HSPG2: variants seen among roughly 807,000 people sequenced by gnomAD.
HSPG2 encodes the protein heparan sulfate proteoglycan 2.
A neutral mutation model predicts 526.6 loss-of-function variants in HSPG2; 278 were observed. That is an observed-to-expected ratio of 0.53 (90% CI 0.48 to 0.58). The LOEUF (loss-of-function observed/expected upper bound fraction) is 0.58, where lower values mean the gene tolerates loss of function less well. Among genes scored for constraint, HSPG2 ranks in the 20% least tolerant of loss-of-function variants. The pLI is 0.00. For synonymous variants in HSPG2, 2,465 were observed against 2,555.4 expected, an observed-to-expected ratio of 0.96 and a Z score of 1.07; for missense variants, 5,354 against 6,099.5, an observed-to-expected ratio of 0.88 and a Z score of 4.07.
At position 21,823,191 on chromosome 1, in the gene HSPG2, C is replaced by A; in HGVS notation, c.*125G>T. The A allele has an allele frequency of 2.1e-6, 2 of 943,408 alleles. No homozygotes were observed. The highest frequency in any genetic ancestry group is 3.0e-6 in the Non-Finnish European group (2 of 672,806). 58.4% of individuals were successfully genotyped at this position (943,408 alleles called of 1,614,324 possible). A position where few individuals can be genotyped will look rare whatever the true frequency, so the allele number is the denominator to read the frequency against. Reference sequence around the variant, plus strand: ...TGCCCACCTCCAGTCCAGCCCAGGGCGGTAGCAGCAAAGCGTGGCATCGCC... The same window carrying A: ...TGCCCACCTCCAGTCCAGCCCAGGGAGGTAGCAGCAAAGCGTGGCATCGCC... On this transcript the variant is annotated 3_prime_UTR_variant, in exon 97 of 97. Coordinates refer to ENST00000374695, the MANE Select transcript of HSPG2 (RefSeq NM_005529.7).
rs147514525 is a variant in HSPG2 at position 21,855,799 on chromosome 1, G to A, written c.5689C>T (p.Leu1897Phe). ...ATCACGGCCTCACCTGTCCACTCGA[G>A]GGTGGGCGTGGGGCTCCCTGTGGCG... ...CSATGSPTPT[L>F]EWTGGPGGQL... Residue 1897 changes from leucine to phenylalanine, a missense_variant, in exon 45 of 97, where the codon CTC becomes TTC. Coordinates refer to ENST00000374695, the MANE Select transcript of HSPG2 (RefSeq NM_005529.7). 3 of 1,613,232 alleles carry A rather than the reference G, an allele frequency of 1.9e-6. No homozygotes were observed. The East Asian group carries it at 6.7e-5, about 36-fold the overall frequency.
rs1355297217 is a variant in HSPG2, at chr1:21,920,149, C to T, written c.63+17006G>A. ...CTCGAACTCCTGGCCTCGAGTGATC[C>T]GCCAGCCTTGGCCTCCCAAAGTGCT... On this transcript the variant is annotated intron_variant, in intron 1 of 96. Coordinates refer to ENST00000374695, the MANE Select transcript of HSPG2 (RefSeq NM_005529.7). Among the ~76,000 whole-genome samples, 25 of 152,328 alleles carry T rather than the reference C, an allele frequency of 1.6e-4. 1 individual carries two copies. Among genetic ancestry groups the T allele is most frequent in the South Asian group, 2.1e-4 (1 of 4,824 alleles).
rs369108327 is a variant in HSPG2, at chr1:21,887,067, C to A, written c.1078+148G>T. The A allele has an allele frequency of 1.7e-5, 16 of 915,362 alleles. No homozygotes were observed. In the African/African-American group the frequency reaches 2.0e-4, roughly 11 times the overall value. 56.7% of individuals were successfully genotyped at this position (915,362 alleles called of 1,614,324 possible). A position where few individuals can be genotyped will look rare whatever the true frequency, so the allele number is the denominator to read the frequency against. ...TGTCTCCAGGGCCTTCCGCACTCAGCCAGGGAGAGCAAACAAACAGGCTTG... is the reference window on the plus strand; with the variant it reads ...TGTCTCCAGGGCCTTCCGCACTCAGACAGGGAGAGCAAACAAACAGGCTTG... On this transcript the variant is annotated intron_variant, in intron 9 of 96. Coordinates refer to ENST00000374695, the MANE Select transcript of HSPG2 (RefSeq NM_005529.7). The surrounding 1 kb of genome is among the most constrained non-coding windows in gnomAD (Gnocchi z 5.0).
At chr1:21,907,324 G>A (rs1226838293) in intron 1 of HSPG2, among the ~76,000 whole-genome samples, 2 of 152,172 alleles carry the variant, frequency 1.3e-5, no homozygotes, top group African/African-American at 2.4e-5. Context: ...TCAGGGCAGC[G>A]ACTGAGAACA....
chr1:21,838,742 T>C, intron 74 of HSPG2, 83 bp downstream of exon 74: 1 of 1,463,164 alleles, frequency 6.8e-7, no homozygotes, highest in Non-Finnish European at 9.4e-7. Context: ...AGGGAGGCCT[T>C]CCCACCCGAG....
At position 21,833,617 on chromosome 1, in the gene HSPG2, G is replaced by A. The variant is rs1440235435; in HGVS notation, c.10831-3C>T. ...TCAGGTGGCAGGCTGCCATCCAGCT[G>A]CAAATGCACTAGCACTGAGGGCCCT... On this transcript the variant is annotated splice_region_variant and splice_polypyrimidine_tract_variant and intron_variant, in intron 78 of 96. Coordinates refer to ENST00000374695, the MANE Select transcript of HSPG2 (RefSeq NM_005529.7). The A allele has an allele frequency of 1.2e-6, 2 of 1,614,052 alleles. No homozygotes were observed. Among genetic ancestry groups the A allele is most frequent in the Admixed American group, 1.7e-5 (1 of 60,026 alleles).
chr1:21,915,159 C>T lies in HSPG2; in HGVS notation c.64-18849G>A, dbSNP rs1006148229. 5.3e-5 allele frequency among the ~76,000 whole-genome samples: 8 copies of T among 152,024 alleles called. No individual in the cohort carries two copies. In the South Asian group the frequency reaches 6.3e-4, roughly 12 times the overall value. ...GAGGCCCAGCCAAGTGCAAACAGCA[C>T]ACTTGGCGCCCTGATACGGGCGCGT... On this transcript the variant is annotated intron_variant, in intron 1 of 96. Coordinates refer to ENST00000374695, the MANE Select transcript of HSPG2 (RefSeq NM_005529.7).
chr1:21,857,911 C>A (rs531942971), intron 42 of HSPG2, among the ~76,000 whole-genome samples: 1 of 152,212 alleles, frequency 6.6e-6, no homozygotes, highest in South Asian at 2.1e-4. Context: ...CCTGCCCTCA[C>A]CCCATCCCAC....
At chr1:21,868,114 C>T (rs1640380806) in intron 33 of HSPG2, among the ~76,000 whole-genome samples, 1 of 152,076 alleles carries the variant, frequency 6.6e-6, no homozygotes, top group East Asian at 1.9e-4. Flanking sequence ...TCTAGGCTCA[C>T]TGCAACCTCC....
intron 9 of HSPG2, among the ~76,000 whole-genome samples, chr1:21,886,302 TGCTATCAG>T (rs1641890280): frequency 6.6e-6 from 1 of 152,162 alleles, no homozygotes; most frequent in Non-Finnish European, 1.5e-5. Flanking sequence ...AAGGGGCTGG[TGCTATCAG>T]GCAAGCTTAG....
rs978680425 is a variant in HSPG2, at chr1:21,848,649, C to T, written c.7731G>A (p.Arg2577=). The T allele has an allele frequency of 1.5e-5, 24 of 1,613,112 alleles. No individual in the cohort carries two copies. Among genetic ancestry groups the T allele is most frequent in the Non-Finnish European group, 1.9e-5 (23 of 1,180,014 alleles). ...CCACCTGCTGGCCCTGTACCTGGTGCCGGCTGGGTAAGCTGCCTCCACGCT... is the reference window on the plus strand; with the variant it reads ...CCACCTGCTGGCCCTGTACCTGGTGTCGGCTGGGTAAGCTGCCTCCACGCT... ...WYKRGGSLPS[R]HQIVGSRLRI... Residue 2577 remains arginine (R), a synonymous_variant, in exon 59 of 97, where the codon CGG becomes CGA. Coordinates refer to ENST00000374695, the MANE Select transcript of HSPG2 (RefSeq NM_005529.7). This position sits in a 1 kb window ranked among gnomAD's most constrained non-coding sequence, Gnocchi z 4.9.
In HSPG2 at chr1:21,851,608, C is replaced by T. The variant is rs140476180; in HGVS notation, c.7096G>A (p.Gly2366Arg). The T allele has an allele frequency of 4.1e-4, 657 of 1,613,974 alleles. 6 individuals are homozygous for T. The South Asian group carries it at 4.2e-3, about 10-fold the overall frequency. ...QTLDLNCVVP[G>R]QSHAQVTWHK... is the part of the protein sequence containing the mutation. ...CACGTGACCTGGGCATGGGACTGCC[C>T]GGGCACCACGCAGTTCAGATCCAGG... Residue 2366 changes from glycine (G) to arginine (R), a missense_variant, in exon 55 of 97, where the codon GGG becomes AGG. Transcript: ENST00000374695.
At position 21,823,319 on chromosome 1, in the gene HSPG2, C is replaced by T. The variant is rs779175945; in HGVS notation, c.13173G>A (p.Ser4391=). 21 of 1,530,778 alleles carry T rather than the reference C, an allele frequency of 1.4e-5. No homozygotes were observed. Among genetic ancestry groups the T allele is most frequent in the South Asian group, 8.4e-5 (7 of 83,112 alleles). 94.8% of individuals were successfully genotyped at this position (1,530,778 alleles called of 1,614,324 possible). The change falls in exon 97 of 97, where the codon TCG becomes TCA. Residue 4391 remains serine (S), a synonymous_variant. Coordinates refer to ENST00000374695, the MANE Select transcript of HSPG2 (RefSeq NM_005529.7). Reference sequence around the variant, plus strand: ...TCCGTGTGGGGCAGGCAGGTGCCTACGAGGGGCAGGGGCGTGTGTTGGCCC... The same window carrying T: ...TCCGTGTGGGGCAGGCAGGTGCCTATGAGGGGCAGGGGCGTGTGTTGGCCC... ...QAGANTRPCP[S] is the part of the protein sequence containing the mutation.
chr1:21,908,683 TAATG>T lies in HSPG2; in HGVS notation c.64-12377_64-12374del, dbSNP rs1156819320. 3 of 530,838 alleles carry T rather than the reference TAATG, an allele frequency of 5.7e-6. No individual in the cohort carries two copies. In the African/African-American group the frequency reaches 5.8e-5, roughly 10 times the overall value. 32.9% of individuals were successfully genotyped at this position (530,838 alleles called of 1,614,324 possible). A position where few individuals can be genotyped will look rare whatever the true frequency, so the allele number is the denominator to read the frequency against. On this transcript the variant is annotated intron_variant, in intron 1 of 96. Transcript: ENST00000374695. ...TGATTAAAATAAGGGTCTCACTGCT[TAATG>T]AGTTTGAAAGCCATCAACTTAAACG... is the stretch of plus-strand genomic sequence containing the variant.
chr1:21,889,683 G>C, intron 6 of HSPG2: 1 of 423,510 alleles, frequency 2.4e-6, no homozygotes, highest in Non-Finnish European at 4.3e-6. Context: ...TTATTATTAA[G>C]TACTAATGTG....
intron 1 of HSPG2, among the ~76,000 whole-genome samples, chr1:21,924,295 C>G (rs936134837): frequency 6.6e-6 from 1 of 152,204 alleles, no homozygotes; most frequent in African/African-American, 2.4e-5. Context: ...CCCTACTCTC[C>G]GGATGCCTTG....
At chr1:21,846,020 A>T in intron 64 of HSPG2, 88 bp downstream of exon 64, 1 of 1,493,142 alleles carries the variant, frequency 6.7e-7, no homozygotes, top group Non-Finnish European at 9.3e-7. Flanking sequence ...CGAGTGCCAG[A>T]AAGTGTTTCC....
At chr1:21,855,080 G>A (rs946752025) in intron 47 of HSPG2, 97 bp from the exon 48 acceptor site, 10 of 1,484,326 alleles carry the variant, frequency 6.7e-6, no homozygotes, top group Non-Finnish European at 7.4e-6. Flanking sequence ...CAGGTGCAGG[G>A]CCAATATTAG....
intron 85 of HSPG2, 81 bp from the exon 86 acceptor site, chr1:21,830,172 C>T (rs925286792): frequency 3.5e-6 from 4 of 1,158,676 alleles, no homozygotes; most frequent in Non-Finnish European, 5.0e-6. Flanking sequence ...GTCTGCCCAT[C>T]ACACCCCGGG....
Sources: allele counts gnomAD v4.1 joint callset (sites outside exome capture counted in the v4.1 genomes callset), GRCh38; gene constraint gnomAD v4.1.1; non-coding constraint Gnocchi (gnomAD v3.1); transcripts MANE v1.5; gene names NCBI Gene and HGNC (gene_info 2026-07-23, HGNC 2026-07-21).